The following TMEM132D variants were observed in gnomAD, a reference collection of about 807,000 sequenced individuals.
The protein encoded by TMEM132D is mature OL transmembrane protein.
In TMEM132D, 21 loss-of-function variants were observed where a neutral mutation model predicts 62.3. The ratio of observed to expected loss-of-function variants is 0.34; its 90% CI spans 0.24 to 0.49. The LOEUF (loss-of-function observed/expected upper bound fraction) is 0.49, where lower values mean the gene tolerates loss of function less well. TMEM132D is among the 20% of genes least tolerant of loss of function. TMEM132D has a pLI of 0.99. For synonymous variants in TMEM132D, 621 were observed against 575.6 expected, an observed-to-expected ratio of 1.08 and a Z score of -1.13; for missense variants, 1,346 against 1,402.8, an observed-to-expected ratio of 0.96 and a Z score of 0.65.
chr12:129,284,876 T>C (rs1216155487), intron 4 of TMEM132D, among the ~76,000 whole-genome samples: 1 of 152,122 alleles, frequency 6.6e-6, no homozygotes, highest in Admixed American at 6.5e-5. Context: ...AATAAATCCA[T>C]AGAGACTGAA....
At chr12:129,778,678 C>A (rs1423149914) in intron 1 of TMEM132D, among the ~76,000 whole-genome samples, 51 of 152,168 alleles carry the variant, frequency 3.4e-4, no homozygotes, top group Admixed American at 3.3e-3. Flanking sequence ...AAACAATAAT[C>A]GTAGCTTGAA....
At chr12:129,413,056 T>C (rs71464500) in intron 3 of TMEM132D, among the ~76,000 whole-genome samples, 1 of 152,060 alleles carries the variant, frequency 6.6e-6, no homozygotes, top group Non-Finnish European at 1.5e-5. Flanking sequence ...TCAAATAGTA[T>C]ATAATTAACA....
At chr12:129,667,203 T>C (rs1880397962) in intron 2 of TMEM132D, among the ~76,000 whole-genome samples, 1 of 152,150 alleles carries the variant, frequency 6.6e-6, no homozygotes, top group Non-Finnish European at 1.5e-5. Context: ...TTTATGAAAA[T>C]CTTACCTTAC....
intron 3 of TMEM132D, among the ~76,000 whole-genome samples, chr12:129,374,955 G>A (rs1237005632): frequency 6.6e-6 from 1 of 152,114 alleles, no homozygotes; most frequent in African/African-American, 2.4e-5. Context: ...GGACATCAGA[G>A]CCGTCCCTAC....
At position 129,639,211 on chromosome 12, in the gene TMEM132D, C is replaced by T. The variant is rs536533549; in HGVS notation, c.968+60599G>A. On this transcript the variant is annotated intron_variant, in intron 2 of 8. Coordinates refer to ENST00000422113, the MANE Select transcript of TMEM132D (RefSeq NM_133448.3). ...CAGCCTGGCCAACATGGCAAAACCC[C>T]GTCTCTACTAAAAATACAAAAAATA... Among the ~76,000 whole-genome samples, 9 of 151,456 alleles carry T rather than the reference C, an allele frequency of 5.9e-5. No individual in the cohort carries two copies. The East Asian group carries it at 1.6e-3, about 26-fold the overall frequency.
In TMEM132D at chr12:129,653,827, C is replaced by T. The variant is rs117006124; in HGVS notation, c.968+45983G>A. ...GAGCCGGTACATTTGCTGCAATCAACGACCCAATAGTGGGAAGTGATTATT... is the reference window on the plus strand; with the variant it reads ...GAGCCGGTACATTTGCTGCAATCAATGACCCAATAGTGGGAAGTGATTATT... On this transcript the variant is annotated intron_variant, in intron 2 of 8. Coordinates refer to ENST00000422113, the MANE Select transcript of TMEM132D (RefSeq NM_133448.3). 3.1e-3 allele frequency among the ~76,000 whole-genome samples: 467 copies of T among 152,286 alleles called. 9 individuals carry two copies. In the East Asian group the frequency reaches 0.041, roughly 13 times the overall value.
At chr12:129,262,068 G>A (rs1880563443) in intron 4 of TMEM132D, among the ~76,000 whole-genome samples, 1 of 152,078 alleles carries the variant, frequency 6.6e-6, no homozygotes, top group Non-Finnish European at 1.5e-5. Flanking sequence ...CTTTTTTCTG[G>A]AAACCCCTGG....
intron 2 of TMEM132D, among the ~76,000 whole-genome samples, chr12:129,649,834 G>C (rs1879878645): frequency 1.3e-5 from 2 of 150,994 alleles, no homozygotes; most frequent in African/African-American, 4.9e-5. Flanking sequence ...GTGCGTATGT[G>C]CATGTATTTG....
At chr12:129,824,118 G>A (rs182702032) in intron 1 of TMEM132D, among the ~76,000 whole-genome samples, 9 of 152,236 alleles carry the variant, frequency 5.9e-5, no homozygotes, top group Admixed American at 3.3e-4. Flanking sequence ...GGAGGGCTGC[G>A]CAAGAATTCG....
chr12:129,325,423 C>T (rs1393359857), intron 4 of TMEM132D, among the ~76,000 whole-genome samples: 1 of 152,100 alleles, frequency 6.6e-6, no homozygotes, highest in Non-Finnish European at 1.5e-5. Flanking sequence ...TTACAGAATA[C>T]CAAAATCAAA....
intron 4 of TMEM132D, among the ~76,000 whole-genome samples, chr12:129,226,097 G>T (rs1482293): frequency 0.32 from 48,052 of 152,064 alleles, 7,950 homozygotes; most frequent in Middle Eastern, 0.42. Context: ...TGTTGATTGC[G>T]TGTTATTTTC....
chr12:129,094,743 A>T (rs140604674), intron 5 of TMEM132D, among the ~76,000 whole-genome samples: 7,802 of 152,152 alleles, frequency 0.051, 691 homozygotes, highest in African/African-American at 0.18. Flanking sequence ...GTATGTTTAT[A>T]GCGGCACTAT....
intron 1 of TMEM132D, among the ~76,000 whole-genome samples, chr12:129,770,739 T>C (rs937655348): frequency 6.6e-6 from 1 of 152,160 alleles, no homozygotes; most frequent in Non-Finnish European, 1.5e-5. Flanking sequence ...GTGGGCAAAA[T>C]CATCCACCAT....
intron 3 of TMEM132D, among the ~76,000 whole-genome samples, chr12:129,392,051 C>G (rs930370660): frequency 6.6e-6 from 1 of 151,426 alleles, no homozygotes. Flanking sequence ...GCCACCATGC[C>G]TGGCCTCAGT....
chr12:129,273,668 G>T (rs987266259), intron 4 of TMEM132D, among the ~76,000 whole-genome samples: 1 of 151,762 alleles, frequency 6.6e-6, no homozygotes, highest in Admixed American at 6.6e-5. Flanking sequence ...ATGCATGAAC[G>T]AAAAACCAGT....
chr12:129,325,448 T>G (rs1868874802), intron 4 of TMEM132D, among the ~76,000 whole-genome samples: 1 of 152,168 alleles, frequency 6.6e-6, no homozygotes, highest in South Asian at 2.1e-4. Context: ...CCCTAAAACA[T>G]AAGCCTGGCA....
chr12:129,243,558 C>T (rs1879990348), intron 4 of TMEM132D, among the ~76,000 whole-genome samples: 1 of 152,054 alleles, frequency 6.6e-6, no homozygotes, highest in African/African-American at 2.4e-5. Context: ...TTTTTTGCAA[C>T]AGATATATTT....
chr12:129,880,842 A>G (rs1160367157), intron 1 of TMEM132D, among the ~76,000 whole-genome samples: 1 of 152,066 alleles, frequency 6.6e-6, no homozygotes, highest in Non-Finnish European at 1.5e-5. Context: ...CAAATAAAAC[A>G]TTGCTAGGAA....
intron 4 of TMEM132D, among the ~76,000 whole-genome samples, chr12:129,287,900 T>C (rs1193774139): frequency 3.3e-5 from 5 of 152,246 alleles, no homozygotes; most frequent in African/African-American, 9.6e-5. Flanking sequence ...GATGCATTGG[T>C]CTATGTATCT....
Sources: allele counts gnomAD v4.1 joint callset (sites outside exome capture counted in the v4.1 genomes callset), GRCh38; gene constraint gnomAD v4.1.1; transcripts MANE v1.5; gene names NCBI Gene and HGNC (gene_info 2026-07-23, HGNC 2026-07-21).